The following KSR2 variants were observed in gnomAD, a reference collection of about 807,000 sequenced individuals.
KSR2 encodes kinase suppressor of ras 2.
Under a neutral mutation model 107.8 loss-of-function variants are expected in KSR2, and 25 were observed. The ratio of observed to expected loss-of-function variants is 0.23; its 90% CI spans 0.17 to 0.32. KSR2 has a LOEUF of 0.32. Ranked by LOEUF, KSR2 falls within the 10% of genes least tolerant of loss-of-function variation. The pLI, the probability that KSR2 is intolerant of heterozygous loss-of-function variation, is 1.00. For missense variants in KSR2, 887 were observed against 1,268.9 expected (o/e 0.70, Z 4.57); for synonymous variants, 480 against 507.0 (o/e 0.95, Z 0.71).
At chr12:117,913,671 G>A (rs1895091651) in intron 1 of KSR2, among the ~76,000 whole-genome samples, 1 of 152,176 alleles carries the variant, frequency 6.6e-6, no homozygotes, top group Non-Finnish European at 1.5e-5. Context: ...CCAGAAGCTG[G>A]AAGGGGCAAG....
At chr12:117,794,118 GCA>G (rs1222272434) in intron 3 of KSR2, among the ~76,000 whole-genome samples, 1 of 100,102 alleles carries the variant, frequency 1.0e-5, no homozygotes, top group Non-Finnish European at 1.9e-5. Context: ...ACACCAACAT[GCA>G]CACTCACACC....
At chr12:117,820,187 A>G (rs972709501) in intron 3 of KSR2, among the ~76,000 whole-genome samples, 1 of 152,218 alleles carries the variant, frequency 6.6e-6, no homozygotes, top group African/African-American at 2.4e-5. Flanking sequence ...ACCCAGCTCT[A>G]TGAGAGGGAG....
intron 1 of KSR2, among the ~76,000 whole-genome samples, chr12:117,875,331 C>CTTTT (rs1213176610): frequency 1.9e-5 from 2 of 103,858 alleles, no homozygotes; most frequent in Non-Finnish European, 3.6e-5. Context: ...CCCTTAGGTG[C>CTTTT]TATTTTTTTT....
At chr12:117,568,406 G>C (rs914521040) in intron 7 of KSR2, among the ~76,000 whole-genome samples, 1 of 152,162 alleles carries the variant, frequency 6.6e-6, no homozygotes, top group Non-Finnish European at 1.5e-5. Flanking sequence ...TGCTTGTTTA[G>C]TTAAAGGGCA....
At chr12:117,646,512 G>A (rs1223374702) in intron 5 of KSR2, among the ~76,000 whole-genome samples, 1 of 152,166 alleles carries the variant, frequency 6.6e-6, no homozygotes, top group Non-Finnish European at 1.5e-5. Flanking sequence ...GCAGGACAAG[G>A]TGCTGTTTCC....
At chr12:117,784,320 G>C (rs1054697484) in intron 3 of KSR2, among the ~76,000 whole-genome samples, 2 of 152,130 alleles carry the variant, frequency 1.3e-5, no homozygotes, top group East Asian at 3.9e-4. Flanking sequence ...TTATAAATGG[G>C]AGTTCCCCTG....
At chr12:117,730,734 T>C (rs897755436) in intron 4 of KSR2, among the ~76,000 whole-genome samples, 2 of 152,216 alleles carry the variant, frequency 1.3e-5, no homozygotes, top group African/African-American at 4.8e-5. Context: ...GGTCTCCAGC[T>C]CCTGACCGCG....
At position 117,539,715 on chromosome 12, in the gene KSR2, G is replaced by A; in HGVS notation, c.1687+4C>T. The A allele has an allele frequency of 1.9e-6, 3 of 1,597,098 alleles. No individual in the cohort carries two copies. Among genetic ancestry groups the A allele is most frequent in the Non-Finnish European group, 1.7e-6 (2 of 1,173,058 alleles). On this transcript the variant is annotated splice_donor_region_variant and intron_variant, in intron 10 of 19. Coordinates refer to ENST00000339824, the MANE Select transcript of KSR2 (RefSeq NM_173598.6). ...CCCTCATGTCTCCCCAAGCATGGAGGTACCTGGCAGGTTGAAGTTCTTCTG... is the reference window on the plus strand; with the variant it reads ...CCCTCATGTCTCCCCAAGCATGGAGATACCTGGCAGGTTGAAGTTCTTCTG...
In KSR2 at chr12:117,886,014, T is replaced by C. The variant is rs757418252; in HGVS notation, c.181-25583A>G. Among the ~76,000 whole-genome samples, 143 of 152,010 alleles carry C rather than the reference T, an allele frequency of 9.4e-4. 2 individuals carry two copies. Among genetic ancestry groups the C allele is most frequent in the Admixed American group, 2.0e-3 (31 of 15,266 alleles). On this transcript the variant is annotated intron_variant, in intron 1 of 19. Coordinates refer to ENST00000339824, the MANE Select transcript of KSR2 (RefSeq NM_173598.6). ...AGGAGGCTGAGGCAGGAGAATGGCA[T>C]TAATCTGGGAGGCGGAGGTTGCAGT...
At position 117,780,212 on chromosome 12, in the gene KSR2, G is replaced by A. The variant is rs78678146; in HGVS notation, c.473-18688C>T. On this transcript the variant is annotated intron_variant, in intron 3 of 19. Transcript: ENST00000339824. ...CAATTGGCAATTCTACTCCTAGGTC[G>A]ATACCCAAAAGAATTGAAAGAAGGG... Among the ~76,000 whole-genome samples, 910 of 152,218 alleles carry A rather than the reference G, an allele frequency of 6.0e-3. 26 individuals carry two copies. The East Asian group carries it at 0.087, about 15-fold the overall frequency.
At chr12:117,555,852 C>T (rs542559860) in intron 8 of KSR2, among the ~76,000 whole-genome samples, 165 of 152,298 alleles carry the variant, frequency 1.1e-3, no homozygotes, top group Admixed American at 2.0e-3. Context: ...TCGCCCAAGC[C>T]CCTCTCCCTT....
intron 4 of KSR2, among the ~76,000 whole-genome samples, chr12:117,673,492 G>A (rs1257696454): frequency 6.6e-6 from 1 of 152,080 alleles, no homozygotes. Flanking sequence ...GAAGAATGGT[G>A]GGATGAAAAG....
chr12:117,617,052 GT>G (rs1565928095), intron 5 of KSR2, among the ~76,000 whole-genome samples: 1 of 152,110 alleles, frequency 6.6e-6, no homozygotes, highest in Non-Finnish European at 1.5e-5. Flanking sequence ...CATTCATCTT[GT>G]TTGGGGTTCA....
intron 4 of KSR2, among the ~76,000 whole-genome samples, chr12:117,753,725 G>A (rs1888687575): frequency 1.3e-5 from 2 of 151,618 alleles, no homozygotes; most frequent in Non-Finnish European, 2.9e-5. Context: ...TAGGCACCTG[G>A]GTGATGAAAT....
intron 14 of KSR2, chr12:117,517,996 T>A (rs16947663): frequency 1.5e-5 from 6 of 392,462 alleles, no homozygotes. Context: ...TTTGAAAGCA[T>A]GGAAAACAGG....
At chr12:117,849,608 A>C (rs1403182769) in intron 3 of KSR2, among the ~76,000 whole-genome samples, 1 of 152,230 alleles carries the variant, frequency 6.6e-6, no homozygotes, top group Non-Finnish European at 1.5e-5. Context: ...CTCCTTGGGC[A>C]CTGGAAAATA....
chr12:117,670,051 A>G (rs116206607), intron 4 of KSR2, among the ~76,000 whole-genome samples: 3,946 of 152,210 alleles, frequency 0.026, 180 homozygotes, highest in African/African-American at 0.09. Flanking sequence ...AAATTATTCC[A>G]TTTCCAACAG....
rs140917451 is a variant in KSR2, at chr12:117,499,487, A to C, written c.2220-13796T>G. ...TATGTTTATTCTGTAGACGGTTTGG[A>C]AAACATTGAATCGGTGGGGAACTGA... On this transcript the variant is annotated intron_variant, in intron 14 of 19. Transcript: ENST00000339824. 4.5e-3 allele frequency among the ~76,000 whole-genome samples: 678 copies of C among 152,356 alleles called. 3 individuals carry two copies. The highest frequency in any genetic ancestry group is 0.016 in the African/African-American group (657 of 41,590).
At position 117,788,018 on chromosome 12, in the gene KSR2, G is replaced by C. The variant is rs545292157; in HGVS notation, c.473-26494C>G. 4.6e-5 allele frequency among the ~76,000 whole-genome samples: 7 copies of C among 152,316 alleles called. No homozygotes were observed. The South Asian group carries it at 1.4e-3, about 32-fold the overall frequency. ...CTAAAAAAGTCAGACCATGTCTATG[G>C]GATGGGAACCAGAAAGGAGAAGTCT... On this transcript the variant is annotated intron_variant, in intron 3 of 19. Transcript: ENST00000339824.
Sources: allele counts gnomAD v4.1 joint callset (sites outside exome capture counted in the v4.1 genomes callset), GRCh38; gene constraint gnomAD v4.1.1; transcripts MANE v1.5; gene names NCBI Gene and HGNC (gene_info 2026-07-23, HGNC 2026-07-21).